WDPCP: variants seen among roughly 807,000 people sequenced by gnomAD.
The protein encoded by WDPCP is WD repeat-containing and planar cell polarity effector protein fritz homolog.
A neutral mutation model predicts 93.1 loss-of-function variants in WDPCP; 71 were observed. The observed-to-expected ratio is 0.76, with a 90% CI of 0.63 to 0.93. The LOEUF (loss-of-function observed/expected upper bound fraction) is 0.93, where lower values mean the gene tolerates loss of function less well. WDPCP is among the 40% of genes least tolerant of loss of function. WDPCP has a pLI of 0.00. For synonymous variants in WDPCP, 315 were observed against 315.0 expected, an observed-to-expected ratio of 1.00 and a Z score of 0.00; for missense variants, 844 against 887.4, an observed-to-expected ratio of 0.95 and a Z score of 0.62.
At chr2:63,644,716 T>G (rs983074428) in intron 3 of WDPCP, among the ~76,000 whole-genome samples, 2 of 152,210 alleles carry the variant, frequency 1.3e-5, no homozygotes, top group East Asian at 3.9e-4. Flanking sequence ...GGTTTTGGAT[T>G]TTTTCATGGT....
chr2:63,804,470 T>C (rs1250410284), intron 2 of WDPCP, among the ~76,000 whole-genome samples: 1 of 151,734 alleles, frequency 6.6e-6, no homozygotes. Context: ...TTACCCAGGA[T>C]GGTCTGGATC....
intron 10 of WDPCP, among the ~76,000 whole-genome samples, chr2:63,385,706 C>T (rs1361956068): frequency 6.6e-6 from 1 of 151,848 alleles, no homozygotes; most frequent in African/African-American, 2.4e-5. Flanking sequence ...ATCTATAGAT[C>T]CAACACAATC....
rs922142473 is a variant in WDPCP, at chr2:63,355,739, T to G, written c.1748+22647A>C. Reference sequence around the variant, plus strand: ...CCCCATCTCTACTGAAATATAAAAATTAGCTGGGCATGGTGGCGGACACCT... The same window carrying G: ...CCCCATCTCTACTGAAATATAAAAAGTAGCTGGGCATGGTGGCGGACACCT... On this transcript the variant is annotated intron_variant, in intron 12 of 17. Transcript: ENST00000272321. 2.6e-5 allele frequency among the ~76,000 whole-genome samples: 4 copies of G among 151,998 alleles called. 1 individual carries two copies. Among genetic ancestry groups the G allele is most frequent in the Admixed American group, 2.6e-4 (4 of 15,252 alleles).
intron 10 of WDPCP, among the ~76,000 whole-genome samples, chr2:63,402,432 C>T (rs540462996): frequency 9.2e-5 from 14 of 152,010 alleles, no homozygotes; most frequent in Non-Finnish European, 1.3e-4. Context: ...TGTATACCTA[C>T]GTAACAAACT....
intron 12 of WDPCP, among the ~76,000 whole-genome samples, chr2:63,341,596 C>A (rs1418479304): frequency 6.6e-6 from 1 of 152,182 alleles, no homozygotes; most frequent in East Asian, 1.9e-4. Flanking sequence ...TTGACTTTCT[C>A]TCTAGAGGTG....
At chr2:63,681,618 T>G (rs543841826) in intron 2 of WDPCP, among the ~76,000 whole-genome samples, 1 of 152,200 alleles carries the variant, frequency 6.6e-6, no homozygotes, top group South Asian at 2.1e-4. Context: ...CTCACCACCT[T>G]GAAGGGAAGG....
At chr2:63,336,769 A>G (rs1688398232) in intron 12 of WDPCP, among the ~76,000 whole-genome samples, 2 of 150,870 alleles carry the variant, frequency 1.3e-5, no homozygotes. Flanking sequence ...CACCTTTACT[A>G]TTTTTACGTG....
chr2:63,650,768 A>C (rs1352962666), exon 3 of WDPCP: 1 of 152,228 alleles, frequency 6.6e-6, no homozygotes, highest in Non-Finnish European at 1.5e-5. Flanking sequence ...TGGTGTTGGA[A>C]GGTGAGAGAA....
At chr2:63,469,706 G>A (rs1177807959) in intron 6 of WDPCP, among the ~76,000 whole-genome samples, 1 of 152,172 alleles carries the variant, frequency 6.6e-6, no homozygotes. Flanking sequence ...TGAGGATGGA[G>A]TGTGGGAGGT....
chr2:63,533,447 C>A (rs977059112), intron 1 of WDPCP, among the ~76,000 whole-genome samples: 2 of 152,122 alleles, frequency 1.3e-5, no homozygotes, highest in African/African-American at 4.8e-5. Context: ...AAAATTGACC[C>A]ACATAGTTGG....
intron 2 of WDPCP, among the ~76,000 whole-genome samples, chr2:63,708,715 C>T (rs755618827): frequency 3.2e-4 from 48 of 152,200 alleles, no homozygotes; most frequent in Non-Finnish European, 5.0e-4. Flanking sequence ...TCCCAGCTCA[C>T]GCTGGGAGCT....
chr2:63,595,435 G>T (rs756384692), intron 3 of WDPCP: 1 of 1,608,312 alleles, frequency 6.2e-7, no homozygotes, highest in Admixed American at 1.7e-5. Context: ...TATAATTCTT[G>T]TGCTGTTGGA....
chr2:63,637,594 A>G (rs1391480266), intron 3 of WDPCP, among the ~76,000 whole-genome samples: 1 of 152,132 alleles, frequency 6.6e-6, no homozygotes, highest in Non-Finnish European at 1.5e-5. Flanking sequence ...CAATAAATAC[A>G]CAAATAATCT....
chr2:63,463,381 T>C (rs72821621), intron 6 of WDPCP, among the ~76,000 whole-genome samples: 59 of 152,200 alleles, frequency 3.9e-4, no homozygotes, highest in Admixed American at 3.1e-3. Context: ...ACAATTTTGT[T>C]GAGAAATCTG....
intron 12 of WDPCP, among the ~76,000 whole-genome samples, chr2:63,373,779 C>T (rs1372153535): frequency 3.3e-5 from 5 of 151,686 alleles, no homozygotes; most frequent in African/African-American, 9.7e-5. Context: ...AACATTTTCC[C>T]TCTCCTTCCT....
At chr2:63,219,796 C>T (rs780970641) in intron 14 of WDPCP, among the ~76,000 whole-genome samples, 1 of 152,022 alleles carries the variant, frequency 6.6e-6, no homozygotes, top group Non-Finnish European at 1.5e-5. Context: ...GTCAGGAGTT[C>T]GAGACCAGCC....
intron 6 of WDPCP, among the ~76,000 whole-genome samples, chr2:63,467,229 C>G (rs539001402): frequency 6.6e-6 from 1 of 152,154 alleles, no homozygotes; most frequent in Non-Finnish European, 1.5e-5. Flanking sequence ...CCTGTAATCC[C>G]AGCACTTTGG....
chr2:63,486,101 TCG>T (rs1255396425), intron 4 of WDPCP, among the ~76,000 whole-genome samples: 3 of 151,752 alleles, frequency 2.0e-5, no homozygotes, highest in African/African-American at 2.4e-5. Context: ...TATTACATTG[TCG>T]CCATAATATA....
At chr2:63,379,100 G>A (rs1639173544) in intron 11 of WDPCP, among the ~76,000 whole-genome samples, 1 of 152,054 alleles carries the variant, frequency 6.6e-6, no homozygotes, top group African/African-American at 2.4e-5. Context: ...AGGAAACAAG[G>A]ACTGGAGAGG....
Sources: gnomAD v4.1 joint callset for allele counts (sites outside exome capture counted in the v4.1 genomes callset) on GRCh38, gnomAD v4.1.1 for gene constraint, MANE v1.5 for transcripts, NCBI Gene and HGNC (gene_info 2026-07-23, HGNC 2026-07-21) for gene names.